CTNNA2: variants seen among roughly 807,000 people sequenced by gnomAD.
CTNNA2 encodes catenin alpha 2.
Under a neutral mutation model 101.0 loss-of-function variants are expected in CTNNA2, and 42 were observed. That is an observed-to-expected ratio of 0.42 (90% confidence interval 0.32 to 0.54). The LOEUF (loss-of-function observed/expected upper bound fraction) is 0.54, where lower values mean the gene tolerates loss of function less well. CTNNA2 is among the 20% of genes least tolerant of loss of function. CTNNA2 has a pLI of 0.14. For synonymous variants in CTNNA2, 450 were observed against 456.4 expected, an observed-to-expected ratio of 0.99 and a Z score of 0.18; for missense variants, 871 against 1,223.1, an observed-to-expected ratio of 0.71 and a Z score of 4.29.
In CTNNA2 at chr2:80,375,146, T is replaced by A. The variant is rs142565683; in HGVS notation, c.1057-18065T>A. Reference sequence around the variant, plus strand: ...TACTCAGACTGTATTTAATGTTTATTAGGTTGGAAGTTCTTTCTTTGTTTT... The same window carrying A: ...TACTCAGACTGTATTTAATGTTTATAAGGTTGGAAGTTCTTTCTTTGTTTT... On this transcript the variant is annotated intron_variant, in intron 7 of 18. Coordinates refer to ENST00000402739, the MANE Select transcript of CTNNA2 (RefSeq NM_001282597.3). 2.8e-4 allele frequency among the ~76,000 whole-genome samples: 43 copies of A among 152,212 alleles called. 1 individual carries two copies. In the East Asian group the frequency reaches 7.2e-3, roughly 25 times the overall value.
At chr2:80,053,958 A>G (rs1002364755) in intron 7 of CTNNA2, among the ~76,000 whole-genome samples, 2 of 152,248 alleles carry the variant, frequency 1.3e-5, no homozygotes, top group Non-Finnish European at 2.9e-5. Context: ...AACAGAAATC[A>G]TTTTGTTTAC....
At chr2:79,866,878 C>A (rs867929015) in intron 4 of CTNNA2, among the ~76,000 whole-genome samples, 5 of 152,178 alleles carry the variant, frequency 3.3e-5, no homozygotes, top group South Asian at 2.1e-4. Context: ...CATTATTATC[C>A]TCATTTTATT....
chr2:80,522,527 G>A (rs561951309), intron 9 of CTNNA2, among the ~76,000 whole-genome samples: 5 of 152,260 alleles, frequency 3.3e-5, no homozygotes, highest in South Asian at 2.1e-4. Context: ...TTTAATTGCC[G>A]AGTAGGAATC....
chr2:80,092,985 A>G (rs529369568), intron 7 of CTNNA2, among the ~76,000 whole-genome samples: 1 of 151,904 alleles, frequency 6.6e-6, no homozygotes, highest in Non-Finnish European at 1.5e-5. Flanking sequence ...TTCTTGAAAG[A>G]ATTGTTTCAA....
intron 1 of CTNNA2, among the ~76,000 whole-genome samples, chr2:79,596,330 G>T (rs538279344): frequency 6.6e-6 from 1 of 151,882 alleles, no homozygotes; most frequent in South Asian, 2.1e-4. Context: ...GGGAAAATGG[G>T]GAAAAAAGGA....
intron 2 of CTNNA2, among the ~76,000 whole-genome samples, chr2:79,250,533 C>G (rs1240531376): frequency 6.6e-6 from 1 of 152,184 alleles, no homozygotes. Flanking sequence ...GGCTTCAGTT[C>G]TAGCCACAAC....
chr2:79,220,178 A>T (rs1028992727), intron 2 of CTNNA2, among the ~76,000 whole-genome samples: 3 of 150,394 alleles, frequency 2.0e-5, no homozygotes, highest in African/African-American at 7.5e-5. Context: ...GTGTGTGTGT[A>T]TATATATATG....
At chr2:79,505,547 T>C (rs530895862) in intron 5 of CTNNA2, among the ~76,000 whole-genome samples, 1 of 152,228 alleles carries the variant, frequency 6.6e-6, no homozygotes, top group Non-Finnish European at 1.5e-5. Context: ...CTCCATAATA[T>C]GTCAATTTCT....
intron 7 of CTNNA2, among the ~76,000 whole-genome samples, chr2:80,099,770 AC>A (rs1158177327): frequency 6.6e-6 from 1 of 151,454 alleles, no homozygotes; most frequent in Non-Finnish European, 1.5e-5. Context: ...AAAAAAAAAA[AC>A]ATTTATCAAA....
rs56732269 is a variant in CTNNA2 at position 80,648,650 on chromosome 2, G to T, written c.*778G>T. The T allele has an allele frequency of 1.5e-3, 231 of 151,564 alleles. 3 individuals carry two copies. Among genetic ancestry groups the T allele is most frequent in the African/African-American group, 5.4e-3 (223 of 41,360 alleles). The allele number at this position is 151,564 out of a possible 1,614,324, so 9.4% of individuals were successfully genotyped here. On this transcript the variant is annotated 3_prime_UTR_variant, in exon 19 of 19. Coordinates refer to ENST00000402739, the MANE Select transcript of CTNNA2 (RefSeq NM_001282597.3). Reference sequence around the variant, plus strand: ...GCTAGAAATAGAAGGCCCAGTGGTGGAATATTAGAGGGAAGGAAACTGACA... The same window carrying T: ...GCTAGAAATAGAAGGCCCAGTGGTGTAATATTAGAGGGAAGGAAACTGACA...
intron 1 of CTNNA2, among the ~76,000 whole-genome samples, chr2:79,592,029 A>G (rs1039394057): frequency 2.0e-5 from 3 of 151,674 alleles, no homozygotes; most frequent in Non-Finnish European, 4.4e-5. Context: ...AAAAAATTCA[A>G]TCATTTATCT....
intron 7 of CTNNA2, among the ~76,000 whole-genome samples, chr2:79,981,671 GTTA>G (rs1208656404): frequency 6.6e-6 from 1 of 152,072 alleles, no homozygotes; most frequent in African/African-American, 2.4e-5. Context: ...AGGAAAATCA[GTTA>G]TTATCATAAT....
intron 7 of CTNNA2, among the ~76,000 whole-genome samples, chr2:80,013,112 G>T (rs1445975509): frequency 6.6e-6 from 1 of 152,142 alleles, no homozygotes; most frequent in Non-Finnish European, 1.5e-5. Context: ...GCTGCAGTGA[G>T]CTATGATCAT....
intron 8 of CTNNA2, among the ~76,000 whole-genome samples, chr2:80,413,607 T>G (rs574250946): frequency 1.5e-4 from 23 of 152,340 alleles, no homozygotes; most frequent in Admixed American, 1.2e-3. Context: ...CTGATTACCC[T>G]CATTGACCTT....
intron 13 of CTNNA2, among the ~76,000 whole-genome samples, chr2:80,581,254 T>C (rs216620): frequency 0.13 from 19,830 of 152,174 alleles, 1,304 homozygotes; most frequent in Middle Eastern, 0.2. Flanking sequence ...ATAACCGTTA[T>C]ACCTTATGGC....
intron 3 of CTNNA2, among the ~76,000 whole-genome samples, chr2:79,835,662 CTTTGTTTTTTTTTTTTTTTTTTTTTT>C (rs1679274302): frequency 2.7e-5 from 2 of 72,916 alleles, no homozygotes; most frequent in Admixed American, 3.8e-4. Flanking sequence ...AATGGCCTCT[CTTTGTTTTTTTTTTTTTTTTTTTTTT>C]TTTTTTTTTT....
chr2:79,671,991 T>C (rs1211591556), intron 2 of CTNNA2, among the ~76,000 whole-genome samples: 1 of 152,246 alleles, frequency 6.6e-6, no homozygotes, highest in African/African-American at 2.4e-5. Flanking sequence ...AAATTCAATT[T>C]TCTTTACATA....
chr2:80,458,335 A>G (rs1684155483), intron 9 of CTNNA2, among the ~76,000 whole-genome samples: 1 of 152,176 alleles, frequency 6.6e-6, no homozygotes, highest in Admixed American at 6.5e-5. Flanking sequence ...GTGGACTACT[A>G]AAACCTAATT....
chr2:79,977,025 G>T (rs912075462), intron 7 of CTNNA2, among the ~76,000 whole-genome samples: 10 of 152,034 alleles, frequency 6.6e-5, no homozygotes, highest in African/African-American at 4.8e-5. Context: ...CCTCCCTGTG[G>T]TTTAGACTTT....
Sources: allele counts gnomAD v4.1 joint callset (sites outside exome capture counted in the v4.1 genomes callset), GRCh38; gene constraint gnomAD v4.1.1; transcripts MANE v1.5; gene names NCBI Gene and HGNC (gene_info 2026-07-23, HGNC 2026-07-21).